NCAM2: variants seen among roughly 807,000 people sequenced by gnomAD.
The protein encoded by NCAM2 is neural cell adhesion molecule 2, also known as N-CAM-2.
Under a neutral mutation model 98.1 loss-of-function variants are expected in NCAM2, and 30 were observed. That is an observed-to-expected ratio of 0.31 (90% confidence interval 0.23 to 0.41). The LOEUF is 0.41. NCAM2 is among the 10% of genes least tolerant of loss of function. The pLI, the probability that NCAM2 is intolerant of heterozygous loss-of-function variation, is 1.00. For synonymous variants in NCAM2, 368 were observed against 342.4 expected (o/e 1.07, Z -0.83); for missense variants, 867 against 1,005.8 (o/e 0.86, Z 1.87).
intron 1 of NCAM2, among the ~76,000 whole-genome samples, chr21:21,176,161 C>G (rs1043607075): frequency 1.3e-5 from 2 of 152,102 alleles, no homozygotes; most frequent in South Asian, 2.1e-4. Context: ...GAGATAACAC[C>G]TGTGAATTAT....
intron 1 of NCAM2, among the ~76,000 whole-genome samples, chr21:21,168,444 T>C (rs2068019617): frequency 6.6e-6 from 1 of 151,840 alleles, no homozygotes; most frequent in Non-Finnish European, 1.5e-5. Context: ...GTCCTTGCTA[T>C]GCAATAAAAA....
At chr21:21,179,474 A>C (rs1321538773) in intron 1 of NCAM2, among the ~76,000 whole-genome samples, 2 of 152,190 alleles carry the variant, frequency 1.3e-5, no homozygotes, top group African/African-American at 4.8e-5. Flanking sequence ...GCATGAAATC[A>C]CTAATCAGAA....
chr21:21,514,684 A>G (rs1376253003), intron 16 of NCAM2, among the ~76,000 whole-genome samples: 1 of 152,048 alleles, frequency 6.6e-6, no homozygotes, highest in Non-Finnish European at 1.5e-5. Flanking sequence ...GACTCCACAC[A>G]CTTTTCAGTT....
At position 21,246,609 on chromosome 21, in the gene NCAM2, A is replaced by G. The variant is rs79062298; in HGVS notation, c.56-33969A>G. 0.01 allele frequency among the ~76,000 whole-genome samples: 1,537 copies of G among 152,266 alleles called. 64 individuals carry two copies. In the East Asian group the frequency reaches 0.16, roughly 16 times the overall value. ...TGAGGTTTTGGTAGTAACAAATTGC[A>G]TATAAATCTGTGAGCTTTTATTCTC... On this transcript the variant is annotated intron_variant, in intron 1 of 17. Coordinates refer to ENST00000400546, the MANE Select transcript of NCAM2 (RefSeq NM_004540.5).
At chr21:21,340,685 C>T (rs2147885984) in intron 8 of NCAM2, among the ~76,000 whole-genome samples, 1 of 152,018 alleles carries the variant, frequency 6.6e-6, no homozygotes, top group Non-Finnish European at 1.5e-5. Context: ...TTTCTATACT[C>T]CAGTACACTT....
intron 5 of NCAM2, among the ~76,000 whole-genome samples, chr21:21,319,310 A>G (rs556569748): frequency 2.6e-4 from 39 of 152,230 alleles, no homozygotes; most frequent in Non-Finnish European, 4.3e-4. Flanking sequence ...CCTAGAATCA[A>G]TCCTCTGTGA....
intron 8 of NCAM2, among the ~76,000 whole-genome samples, chr21:21,360,958 T>G (rs1472260689): frequency 6.6e-6 from 1 of 152,006 alleles, no homozygotes. Context: ...TTTACAAAAC[T>G]CCTCTATCAT....
At chr21:21,479,608 A>AAAAAATT (rs1491473437) in intron 15 of NCAM2, among the ~76,000 whole-genome samples, 10 of 127,914 alleles carry the variant, frequency 7.8e-5, no homozygotes, top group African/African-American at 1.7e-4. Flanking sequence ...AAAAAAAAAA[A>AAAAAATT]TTGTTGATGA....
intron 15 of NCAM2, 49 bp from the exon 16 acceptor site, chr21:21,508,802 T>C (rs766561830): frequency 1.7e-6 from 2 of 1,189,388 alleles, no homozygotes; most frequent in African/African-American, 3.3e-5. Flanking sequence ...TTTAATACTT[T>C]TTTTCCTTTT....
chr21:21,155,604 G>A (rs1441964351), intron 1 of NCAM2, among the ~76,000 whole-genome samples: 1 of 151,786 alleles, frequency 6.6e-6, no homozygotes, highest in African/African-American at 2.4e-5. Flanking sequence ...TAATCTTGGA[G>A]TTAACATTGG....
chr21:21,040,613 G>GA (rs2064885422), intron 1 of NCAM2, among the ~76,000 whole-genome samples: 1 of 151,630 alleles, frequency 6.6e-6, no homozygotes, highest in South Asian at 2.1e-4. Flanking sequence ...AAAAAAAAAA[G>GA]AAATCTTGTC....
chr21:21,524,706 A>G (rs1030129255), intron 16 of NCAM2, among the ~76,000 whole-genome samples: 1 of 152,172 alleles, frequency 6.6e-6, no homozygotes, highest in African/African-American at 2.4e-5. Context: ...ATAACAGCAG[A>G]ATGCATACAC....
At chr21:21,302,826 A>G (rs779902991) in intron 5 of NCAM2, among the ~76,000 whole-genome samples, 11 of 152,188 alleles carry the variant, frequency 7.2e-5, no homozygotes, top group Admixed American at 1.3e-4. Context: ...CACTATTCAC[A>G]ATAGTACACA....
intron 8 of NCAM2, among the ~76,000 whole-genome samples, chr21:21,357,127 G>T (rs2075512869): frequency 6.6e-6 from 1 of 152,092 alleles, no homozygotes; most frequent in Admixed American, 6.5e-5. Flanking sequence ...TTTGAAATAT[G>T]CAGTTTTCAT....
At chr21:21,494,541 T>G (rs760502180) in intron 15 of NCAM2, among the ~76,000 whole-genome samples, 6 of 152,072 alleles carry the variant, frequency 3.9e-5, no homozygotes, top group Middle Eastern at 3.4e-3. Context: ...GCAAACAAAC[T>G]GCATCCATCA....
At chr21:21,426,382 C>T (rs2077214638) in intron 11 of NCAM2, among the ~76,000 whole-genome samples, 1 of 151,872 alleles carries the variant, frequency 6.6e-6, no homozygotes, top group Non-Finnish European at 1.5e-5. Flanking sequence ...ACTTATGTTC[C>T]AATTCTTTTA....
chr21:21,113,913 A>G (rs1405175872), intron 1 of NCAM2, among the ~76,000 whole-genome samples: 1 of 152,116 alleles, frequency 6.6e-6, no homozygotes, highest in East Asian at 1.9e-4. Flanking sequence ...GTATGACCTC[A>G]GCTTTATACT....
At chr21:21,161,338 A>T (rs1018507400) in intron 1 of NCAM2, among the ~76,000 whole-genome samples, 1 of 151,830 alleles carries the variant, frequency 6.6e-6, no homozygotes, top group African/African-American at 2.4e-5. Flanking sequence ...TTATTTATTT[A>T]TTTTATTTAT....
intron 1 of NCAM2, among the ~76,000 whole-genome samples, chr21:21,268,972 T>C (rs2072395578): frequency 6.6e-6 from 1 of 152,004 alleles, no homozygotes; most frequent in Non-Finnish European, 1.5e-5. Context: ...ACATGTAACC[T>C]GAGATTATTA....
Sources: gnomAD v4.1 joint callset for allele counts (sites outside exome capture counted in the v4.1 genomes callset) on GRCh38, gnomAD v4.1.1 for gene constraint, MANE v1.5 for transcripts, NCBI Gene and HGNC (gene_info 2026-07-23, HGNC 2026-07-21) for gene names.